Variants in PACRG observed in about 807,000 individuals in gnomAD.
PACRG encodes the protein parkin coregulated.
In PACRG, 29 loss-of-function variants were observed where a neutral mutation model predicts 29.7. That is an observed-to-expected ratio of 0.98 (90% CI 0.73 to 1.33). The LOEUF (loss-of-function observed/expected upper bound fraction) is 1.33, where lower values mean the gene tolerates loss of function less well. Ranked by LOEUF, PACRG falls within the 40% of genes most tolerant of loss-of-function variation. The pLI, the probability that PACRG is intolerant of heterozygous loss-of-function variation, is 0.00. For synonymous variants in PACRG, 116 were observed against 118.7 expected, an observed-to-expected ratio of 0.98 and a Z score of 0.15; for missense variants, 279 against 316.2, an observed-to-expected ratio of 0.88 and a Z score of 0.89.
chr6:163,052,529 G>A (rs953399751), intron 2 of PACRG, among the ~76,000 whole-genome samples: 15 of 152,286 alleles, frequency 9.8e-5, no homozygotes, highest in Non-Finnish European at 2.2e-4. Context: ...GTCGAGGGAG[G>A]AACCTGGTGG....
chr6:163,154,782 T>C (rs566459766), intron 4 of PACRG, among the ~76,000 whole-genome samples: 92 of 152,348 alleles, frequency 6.0e-4, no homozygotes, highest in African/African-American at 2.2e-3. Flanking sequence ...TGAGCATCTG[T>C]GTTTGATCAG....
upstream of PACRG, chr6:162,727,638 T>TGTACCTGGCAGGTACCCAC: frequency 6.3e-7 from 1 of 1,583,152 alleles, no homozygotes; most frequent in Non-Finnish European, 8.6e-7. Flanking sequence ...GCAGAGAGGC[T>TGTACCTGGCAGGTACCCAC]GTACCTGGCA....
intron 2 of PACRG, among the ~76,000 whole-genome samples, chr6:162,852,001 G>GGAAGGAAGGAAGGAAAGGAAGGA (rs1554291923): frequency 2.0e-5 from 2 of 100,002 alleles, no homozygotes; most frequent in African/African-American, 9.0e-5. Flanking sequence ...GGGAGGGAGG[G>GGAAGGAAGGAAGGAAAGGAAGGA]AGGGAGGAAG....
intron 2 of PACRG, among the ~76,000 whole-genome samples, chr6:162,814,486 G>T (rs982668371): frequency 6.6e-6 from 1 of 152,154 alleles, no homozygotes; most frequent in African/African-American, 2.4e-5. Flanking sequence ...AGAAGAAAAT[G>T]ACAGAGTTGC....
intron 4 of PACRG, among the ~76,000 whole-genome samples, chr6:163,309,502 T>C (rs1467488107): frequency 6.6e-6 from 1 of 152,204 alleles, no homozygotes; most frequent in Non-Finnish European, 1.5e-5. Context: ...CACAAACCAT[T>C]GTTGTTACTG....
chr6:162,745,581 A>G (rs545399945), intron 1 of PACRG, among the ~76,000 whole-genome samples: 1 of 152,336 alleles, frequency 6.6e-6, no homozygotes, highest in Admixed American at 6.5e-5. Context: ...TCTATGCGAC[A>G]TTGAGGGAGT....
chr6:162,785,567 CA>C (rs892620115), intron 1 of PACRG, among the ~76,000 whole-genome samples: 2 of 132,044 alleles, frequency 1.5e-5, no homozygotes, highest in African/African-American at 6.0e-5. Flanking sequence ...CACAGACGGC[CA>C]GGGGGTGAAG....
At chr6:163,122,470 C>A (rs369936593) in intron 4 of PACRG, among the ~76,000 whole-genome samples, 1 of 152,186 alleles carries the variant, frequency 6.6e-6, no homozygotes, top group Non-Finnish European at 1.5e-5. Context: ...GCTTGGTGCC[C>A]TGCCCATGGT....
chr6:163,022,380 T>C (rs1040694999), intron 2 of PACRG, among the ~76,000 whole-genome samples: 1 of 152,196 alleles, frequency 6.6e-6, no homozygotes, highest in Non-Finnish European at 1.5e-5. Context: ...ACAGTCACAC[T>C]GTCTGAAATG....
chr6:162,805,741 G>T (rs79871568), intron 1 of PACRG, among the ~76,000 whole-genome samples: 1,921 of 152,282 alleles, frequency 0.013, 15 homozygotes, highest in Middle Eastern at 0.02. Context: ...ACCAGGAGTA[G>T]ATTCTGCCTC....
At chr6:163,001,662 T>C (rs1225748885) in intron 2 of PACRG, among the ~76,000 whole-genome samples, 4 of 152,208 alleles carry the variant, frequency 2.6e-5, no homozygotes, top group Admixed American at 2.0e-4. Flanking sequence ...TTTAGGGAAT[T>C]GTCTTCACTC....
intron 4 of PACRG, among the ~76,000 whole-genome samples, chr6:163,267,731 T>G (rs1322903826): frequency 6.6e-6 from 1 of 152,220 alleles, no homozygotes; most frequent in Admixed American, 6.5e-5. Context: ...ATAAATCCCC[T>G]GTCACATTTA....
intron 2 of PACRG, among the ~76,000 whole-genome samples, chr6:162,927,243 G>A (rs1008616623): frequency 6.6e-6 from 1 of 152,084 alleles, no homozygotes. Flanking sequence ...AGACAGTGTG[G>A]CTTTTCCTCA....
intron 1 of PACRG, among the ~76,000 whole-genome samples, chr6:162,809,461 G>T (rs1786647588): frequency 6.6e-6 from 1 of 152,136 alleles, no homozygotes; most frequent in African/African-American, 2.4e-5. Flanking sequence ...TGCAGGCATG[G>T]AATCATTTCT....
intron 2 of PACRG, among the ~76,000 whole-genome samples, chr6:163,005,226 T>C (rs1804958623): frequency 6.6e-6 from 1 of 152,042 alleles, no homozygotes; most frequent in African/African-American, 2.4e-5. Context: ...TTATTAATAG[T>C]ATTTACCTTC....
intron 4 of PACRG, among the ~76,000 whole-genome samples, chr6:163,168,034 T>C (rs1262420589): frequency 6.6e-6 from 1 of 152,234 alleles, no homozygotes; most frequent in African/African-American, 2.4e-5. Flanking sequence ...GTATGTATTT[T>C]CATATTATTT....
intron 2 of PACRG, among the ~76,000 whole-genome samples, chr6:163,030,470 C>T (rs537129000): frequency 1.7e-4 from 26 of 152,226 alleles, no homozygotes; most frequent in African/African-American, 5.1e-4. Flanking sequence ...CAGCAGCTAC[C>T]GCTCATCAGA....
chr6:162,855,986 C>T (rs1584556311), intron 2 of PACRG, among the ~76,000 whole-genome samples: 1 of 152,166 alleles, frequency 6.6e-6, no homozygotes, highest in Non-Finnish European at 1.5e-5. Flanking sequence ...GACTTTATGC[C>T]TTCCTTGACC....
At chr6:163,098,007 T>A (rs1168501705) in intron 4 of PACRG, among the ~76,000 whole-genome samples, 1 of 152,182 alleles carries the variant, frequency 6.6e-6, no homozygotes, top group Admixed American at 6.5e-5. Context: ...GAAAGATATT[T>A]GGGGTGAAAT....
Sources: gnomAD v4.1 joint callset for allele counts (sites outside exome capture counted in the v4.1 genomes callset) on GRCh38, gnomAD v4.1.1 for gene constraint, MANE v1.5 for transcripts, NCBI Gene and HGNC (gene_info 2026-07-23, HGNC 2026-07-21) for gene names.